Variants in FSTL5 observed in about 807,000 individuals in gnomAD.
FSTL5 encodes follistatin-related protein 5.
In FSTL5, 62 loss-of-function variants were observed where a neutral mutation model predicts 89.1. That is an observed-to-expected ratio of 0.70 (90% CI 0.57 to 0.86). FSTL5 has a LOEUF of 0.86. Among genes scored for constraint, FSTL5 ranks in the 40% least tolerant of loss-of-function variants. The pLI is 0.00. For missense variants in FSTL5, 1,057 were observed against 1,001.6 expected, an observed-to-expected ratio of 1.06 and a Z score of -0.75; for synonymous variants, 383 against 346.2, an observed-to-expected ratio of 1.11 and a Z score of -1.18.
At chr4:162,062,908 A>C (rs968173840) in intron 2 of FSTL5, among the ~76,000 whole-genome samples, 4 of 151,686 alleles carry the variant, frequency 2.6e-5, no homozygotes, top group African/African-American at 9.7e-5. Flanking sequence ...GTTTTCTGAA[A>C]TATACCCAGT....
intron 10 of FSTL5, among the ~76,000 whole-genome samples, chr4:161,528,591 C>A (rs1490572435): frequency 2.1e-5 from 3 of 142,834 alleles, no homozygotes; most frequent in African/African-American, 7.5e-5. Context: ...TGAGAAAACA[C>A]CCCACTTCAG....
At chr4:161,819,157 T>A (rs1730418237) in intron 4 of FSTL5, among the ~76,000 whole-genome samples, 1 of 152,146 alleles carries the variant, frequency 6.6e-6, no homozygotes, top group Non-Finnish European at 1.5e-5. Context: ...ACTATTTTAA[T>A]ATATGAAGTT....
At chr4:161,652,393 C>T (rs1578996699) in intron 7 of FSTL5, among the ~76,000 whole-genome samples, 1 of 152,086 alleles carries the variant, frequency 6.6e-6, no homozygotes, top group East Asian at 1.9e-4. Flanking sequence ...TGTGATTCTA[C>T]CACTACACAC....
At chr4:161,681,295 AC>A (rs1329993522) in intron 6 of FSTL5, among the ~76,000 whole-genome samples, 1 of 152,128 alleles carries the variant, frequency 6.6e-6, no homozygotes, top group Non-Finnish European at 1.5e-5. Context: ...AAAAGAAAAA[AC>A]TACATCACTG....
intron 4 of FSTL5, among the ~76,000 whole-genome samples, chr4:161,918,448 A>G (rs1016501795): frequency 1.3e-5 from 2 of 152,124 alleles, no homozygotes; most frequent in South Asian, 4.1e-4. Context: ...GTAACAATAG[A>G]TCTCATAAAT....
intron 1 of FSTL5, among the ~76,000 whole-genome samples, chr4:162,135,512 T>C (rs1732489536): frequency 6.6e-6 from 1 of 152,068 alleles, no homozygotes; most frequent in Admixed American, 6.5e-5. Context: ...TAAAAATGCC[T>C]TACCATTCAA....
intron 2 of FSTL5, among the ~76,000 whole-genome samples, chr4:162,103,506 G>C (rs1731085312): frequency 6.6e-6 from 1 of 152,156 alleles, no homozygotes; most frequent in Non-Finnish European, 1.5e-5. Context: ...ATTAGTTTCT[G>C]CACATCTTGT....
chr4:161,454,693 G>A (rs1397837815), intron 15 of FSTL5, among the ~76,000 whole-genome samples: 1 of 152,110 alleles, frequency 6.6e-6, no homozygotes, highest in East Asian at 1.9e-4. Flanking sequence ...GGAAATGCCA[G>A]CATTTTGTAA....
At chr4:161,435,079 A>G (rs1363381033) in intron 15 of FSTL5, among the ~76,000 whole-genome samples, 3 of 151,958 alleles carry the variant, frequency 2.0e-5, no homozygotes, top group African/African-American at 7.2e-5. Flanking sequence ...TAGGCATATA[A>G]CCCCCCAAAA....
rs755209411 is a variant in FSTL5, at chr4:161,587,607, C to G, written c.895-32G>C. ...AAAATAAAATAAAACAAGGTGTTTGCATTTTGAATTAATTGTAACAATTTC... is the reference window on the plus strand; with the variant it reads ...AAAATAAAATAAAACAAGGTGTTTGGATTTTGAATTAATTGTAACAATTTC... On this transcript the variant is annotated intron_variant, in intron 7 of 15. Transcript: ENST00000306100. The G allele has an allele frequency of 5.8e-6, 9 of 1,539,724 alleles. 1 individual carries two copies. In the South Asian group the frequency reaches 1.1e-4, roughly 18 times the overall value.
chr4:161,972,843 G>A (rs925972418), intron 3 of FSTL5, among the ~76,000 whole-genome samples: 3 of 152,112 alleles, frequency 2.0e-5, no homozygotes, highest in Non-Finnish European at 4.4e-5. Flanking sequence ...ACTTTCACAT[G>A]GACTACTACT....
chr4:161,823,866 G>A (rs1484913307), intron 4 of FSTL5, among the ~76,000 whole-genome samples: 1 of 152,052 alleles, frequency 6.6e-6, no homozygotes, highest in Non-Finnish European at 1.5e-5. Context: ...GATTGTTTGT[G>A]TTTTCTTGCT....
intron 2 of FSTL5, among the ~76,000 whole-genome samples, chr4:162,104,048 C>G (rs1022278112): frequency 7.2e-5 from 11 of 152,182 alleles, no homozygotes; most frequent in African/African-American, 1.9e-4. Context: ...TGTTATGGCT[C>G]CAGCTGAGCT....
At chr4:161,696,153 A>C (rs1738157610) in intron 6 of FSTL5, among the ~76,000 whole-genome samples, 1 of 152,178 alleles carries the variant, frequency 6.6e-6, no homozygotes, top group Admixed American at 6.5e-5. Context: ...AATGATGAGG[A>C]TCCAGTTTCA....
At chr4:161,870,218 A>T (rs1221463669) in intron 4 of FSTL5, among the ~76,000 whole-genome samples, 1 of 152,222 alleles carries the variant, frequency 6.6e-6, no homozygotes, top group Admixed American at 6.5e-5. Flanking sequence ...GGCATATATA[A>T]GTGATGTAGA....
At chr4:161,470,983 C>T (rs1242980593) in intron 13 of FSTL5, among the ~76,000 whole-genome samples, 1 of 152,118 alleles carries the variant, frequency 6.6e-6, no homozygotes, top group African/African-American at 2.4e-5. Flanking sequence ...TAGTGTTTTG[C>T]GTAATTTTTA....
Position 161,590,310 on chromosome 4 carries a change from G to A in FSTL5, c.895-2735C>T, listed in dbSNP as rs577102292. 1.7e-4 allele frequency among the ~76,000 whole-genome samples: 26 copies of A among 152,174 alleles called. No individual in the cohort carries two copies. The South Asian group carries it at 1.9e-3, about 11-fold the overall frequency. On this transcript the variant is annotated intron_variant, in intron 7 of 15. Coordinates refer to ENST00000306100, the MANE Select transcript of FSTL5 (RefSeq NM_020116.5). ...ATCCCAACACTTTGGGGGCCAAGGCGGGCAGATCACCCGAGGTCAAGAGTT... is the reference window on the plus strand; with the variant it reads ...ATCCCAACACTTTGGGGGCCAAGGCAGGCAGATCACCCGAGGTCAAGAGTT...
chr4:161,718,722 C>A (rs947090910), intron 6 of FSTL5, among the ~76,000 whole-genome samples: 8 of 152,108 alleles, frequency 5.3e-5, no homozygotes, highest in African/African-American at 1.9e-4. Context: ...GCCACCATGT[C>A]CTGCCTGAAA....
chr4:161,767,346 C>A (rs956073074), intron 5 of FSTL5, among the ~76,000 whole-genome samples: 1 of 152,140 alleles, frequency 6.6e-6, no homozygotes, highest in Non-Finnish European at 1.5e-5. Context: ...ATGGGAGAGA[C>A]TAAGATGCCT....
Sources: gnomAD v4.1 joint callset for allele counts (sites outside exome capture counted in the v4.1 genomes callset) on GRCh38, gnomAD v4.1.1 for gene constraint, MANE v1.5 for transcripts, NCBI Gene and HGNC (gene_info 2026-07-23, HGNC 2026-07-21) for gene names.